The following NREP variants were observed in gnomAD, a reference collection of about 807,000 sequenced individuals.
NREP encodes neuronal regeneration related protein.
Under a neutral mutation model 8.6 loss-of-function variants are expected in NREP, and 5 were observed. That is an observed-to-expected ratio of 0.58 (90% CI 0.30 to 1.22). The LOEUF (loss-of-function observed/expected upper bound fraction) is 1.22. Ranked by LOEUF, NREP falls within the 50% of genes most tolerant of loss-of-function variation. The pLI is 0.07. For synonymous variants in NREP, 27 were observed against 28.0 expected (o/e 0.96, Z 0.11); for missense variants, 86 against 82.5 (o/e 1.04, Z -0.17).
Position 111,936,916 on chromosome 5 carries a change from TCA to T in NREP, c.135+38356_135+38357del, listed in dbSNP as rs1181478970. 2.6e-5 allele frequency among the ~76,000 whole-genome samples: 4 copies of T among 152,218 alleles called. No individual in the cohort carries two copies. In the South Asian group the frequency reaches 8.3e-4, roughly 32 times the overall value. ...TTCATGCGCAAGAACCGAATTATTC[TCA>T]CTCATGGAAGTGTTTTTGACTCTGT... On this transcript the variant is annotated intron_variant, in intron 2 of 3. Transcript: ENST00000395634.
intron 2 of NREP, among the ~76,000 whole-genome samples, chr5:111,950,675 C>G (rs1020546954): frequency 1.3e-5 from 2 of 150,526 alleles, no homozygotes; most frequent in Non-Finnish European, 3.0e-5. Flanking sequence ...TCCAGTATCT[C>G]CAGGGACTTA....
intron 2 of NREP, among the ~76,000 whole-genome samples, chr5:111,801,108 C>T (rs1417762212): frequency 6.6e-6 from 1 of 152,198 alleles, no homozygotes; most frequent in East Asian, 1.9e-4. Flanking sequence ...GAAAGACATT[C>T]CTGTGTCATA....
In NREP at chr5:111,931,474, C is replaced by A. The variant is rs192545992; in HGVS notation, c.135+43800G>T. Among the ~76,000 whole-genome samples, 124 of 152,244 alleles carry A rather than the reference C, an allele frequency of 8.1e-4. 1 individual carries two copies. The highest frequency in any genetic ancestry group is 2.9e-3 in the African/African-American group (120 of 41,560). ...GCCAATCGATAGTAGGTCAGTCATA[C>A]TGGAAGCCGACCTTCCAGCCTAAGT... On this transcript the variant is annotated intron_variant, in intron 2 of 3. Transcript: ENST00000395634.
At chr5:111,737,742 C>CA (rs11378359) in intron 2 of NREP, among the ~76,000 whole-genome samples, 9,217 of 142,794 alleles carry the variant, frequency 0.065, 370 homozygotes, top group Middle Eastern at 0.15. Flanking sequence ...AAAACAAAAA[C>CA]AAAAAAAAAG....
intron 3 of NREP, among the ~76,000 whole-genome samples, chr5:111,731,407 A>C (rs1362721817): frequency 7.1e-6 from 1 of 141,584 alleles, no homozygotes; most frequent in African/African-American, 2.7e-5. Flanking sequence ...ATAGATACTC[A>C]CAGGAGTGTC....
chr5:111,749,926 G>A (rs776082870), intron 2 of NREP, among the ~76,000 whole-genome samples: 4 of 152,288 alleles, frequency 2.6e-5, no homozygotes, highest in Non-Finnish European at 5.9e-5. Flanking sequence ...AATAAAGTAA[G>A]CTGTACCTTT....
At chr5:111,893,362 G>A (rs142685920) in intron 2 of NREP, among the ~76,000 whole-genome samples, 1 of 152,170 alleles carries the variant, frequency 6.6e-6, no homozygotes, top group East Asian at 1.9e-4. Flanking sequence ...AAGAAATAGT[G>A]CAGTTATTTC....
At chr5:111,964,371 G>C (rs943754983) in intron 2 of NREP, among the ~76,000 whole-genome samples, 2 of 151,724 alleles carry the variant, frequency 1.3e-5, no homozygotes, top group African/African-American at 4.8e-5. Context: ...CCACTGTTTT[G>C]GGGGGGTTTT....
intron 2 of NREP, among the ~76,000 whole-genome samples, chr5:111,839,967 C>T (rs1251445223): frequency 2.0e-5 from 3 of 152,080 alleles, no homozygotes; most frequent in East Asian, 1.9e-4. Context: ...ATCCCATCAA[C>T]GCATCCAAAT....
intron 2 of NREP, among the ~76,000 whole-genome samples, chr5:111,762,914 G>T (rs527933489): frequency 7.3e-4 from 111 of 152,330 alleles, no homozygotes; most frequent in African/African-American, 2.5e-3. Flanking sequence ...AGAGCCTGAA[G>T]CTAAAGAAGT....
chr5:111,925,021 A>G (rs2112587086), intron 2 of NREP, among the ~76,000 whole-genome samples: 1 of 152,284 alleles, frequency 6.6e-6, no homozygotes, highest in Admixed American at 6.5e-5. Context: ...AGAAAAATAT[A>G]GGGTTAGAAC....
chr5:111,777,052 G>A (rs1325505137), intron 2 of NREP, among the ~76,000 whole-genome samples: 9 of 151,426 alleles, frequency 5.9e-5, no homozygotes, highest in African/African-American at 1.9e-4. Flanking sequence ...AGGAGGAGGA[G>A]GAAGAAGAGG....
chr5:111,820,324 C>T (rs984242565), intron 2 of NREP, among the ~76,000 whole-genome samples: 2 of 152,204 alleles, frequency 1.3e-5, no homozygotes, highest in Non-Finnish European at 2.9e-5. Flanking sequence ...ACTTAAATTT[C>T]TCACTGCTCT....
At chr5:111,824,977 T>G (rs754703838) in intron 2 of NREP, among the ~76,000 whole-genome samples, 3 of 152,200 alleles carry the variant, frequency 2.0e-5, no homozygotes, top group Non-Finnish European at 4.4e-5. Flanking sequence ...TGTGTTGTGC[T>G]TAATTCATAG....
intron 2 of NREP, among the ~76,000 whole-genome samples, chr5:111,807,288 T>C (rs2112910415): frequency 6.6e-6 from 1 of 152,156 alleles, no homozygotes; most frequent in Middle Eastern, 3.4e-3. Context: ...ATGGAAAAAA[T>C]AACTAACTTT....
intron 2 of NREP, among the ~76,000 whole-genome samples, chr5:111,785,969 A>G (rs543547709): frequency 3.0e-4 from 45 of 152,140 alleles, no homozygotes; most frequent in Admixed American, 5.2e-4. Context: ...AAAAATGAAG[A>G]GAGGTCACTC....
intron 2 of NREP, among the ~76,000 whole-genome samples, chr5:111,949,838 A>C (rs7709342): frequency 0.1 from 15,715 of 152,116 alleles, 1,287 homozygotes; most frequent in African/African-American, 0.22. Context: ...ATTGATGGGC[A>C]TTTGGGTTGG....
intron 2 of NREP, among the ~76,000 whole-genome samples, chr5:111,894,342 T>G (rs915566805): frequency 6.6e-6 from 1 of 152,114 alleles, no homozygotes; most frequent in African/African-American, 2.4e-5. Context: ...ATGTACAATT[T>G]TATTGTTTTA....
chr5:111,897,771 T>C (rs1038192004), intron 2 of NREP, among the ~76,000 whole-genome samples: 1 of 152,196 alleles, frequency 6.6e-6, no homozygotes, highest in African/African-American at 2.4e-5. Flanking sequence ...TTTCATTTTG[T>C]ACTAACAAAA....
Sources: gnomAD v4.1 joint callset for allele counts (sites outside exome capture counted in the v4.1 genomes callset) on GRCh38, gnomAD v4.1.1 for gene constraint, MANE v1.5 for transcripts, NCBI Gene and HGNC (gene_info 2026-07-23, HGNC 2026-07-21) for gene names.